The following RBM6 variants were observed in gnomAD, a reference collection of about 807,000 sequenced individuals.
RBM6 encodes the protein RNA binding motif protein 6.
A neutral mutation model predicts 140.4 loss-of-function variants in RBM6; 23 were observed. The observed-to-expected ratio is 0.16, with a 90% CI of 0.12 to 0.23. The LOEUF is 0.23. RBM6 is among the 10% of genes least tolerant of loss of function. The pLI is 1.00. For synonymous variants in RBM6, 439 were observed against 475.6 expected, an observed-to-expected ratio of 0.92 and a Z score of 1.00; for missense variants, 1,139 against 1,386.7, an observed-to-expected ratio of 0.82 and a Z score of 2.84.
At chr3:50,052,662 A>T (rs2089518884) in intron 7 of RBM6, among the ~76,000 whole-genome samples, 1 of 152,212 alleles carries the variant, frequency 6.6e-6, no homozygotes, top group Non-Finnish European at 1.5e-5. Context: ...CCAGTAGCTT[A>T]AAACAGCAAG....
chr3:49,976,816 G>T (rs765459037), intron 5 of RBM6, among the ~76,000 whole-genome samples: 4 of 152,162 alleles, frequency 2.6e-5, no homozygotes, highest in Non-Finnish European at 5.9e-5. Context: ...TAAATTTGCC[G>T]ATTGTGGTAG....
chr3:50,001,231 G>A (rs11925192), intron 6 of RBM6, among the ~76,000 whole-genome samples: 66,453 of 151,980 alleles, frequency 0.44, 15,162 homozygotes, highest in Non-Finnish European at 0.51. Context: ...TGGGAGGCCC[G>A]GGTGGGAGGA....
intron 8 of RBM6, among the ~76,000 whole-genome samples, chr3:50,055,735 A>G (rs980375242): frequency 2.6e-5 from 4 of 152,234 alleles, no homozygotes; most frequent in African/African-American, 9.6e-5. Context: ...AGGATTTTCA[A>G]GAGAAAAACA....
intron 10 of RBM6, chr3:50,058,821 C>G (rs1452849625): frequency 8.2e-6 from 2 of 243,520 alleles, no homozygotes; most frequent in Non-Finnish European, 8.2e-6. Context: ...GAGGCTGAGG[C>G]AGGAGAATGG....
intron 8 of RBM6, among the ~76,000 whole-genome samples, chr3:50,054,969 G>T (rs1220298629): frequency 6.6e-6 from 1 of 152,042 alleles, no homozygotes; most frequent in Non-Finnish European, 1.5e-5. Flanking sequence ...GACTATAGGC[G>T]CCCACCACCA....
chr3:50,049,215 TCTC>T (rs1184165425), intron 7 of RBM6, among the ~76,000 whole-genome samples: 1 of 151,796 alleles, frequency 6.6e-6, no homozygotes, highest in East Asian at 1.9e-4. Flanking sequence ...TTCAAACGAT[TCTC>T]CTGCCCCAGC....
chr3:49,972,954 C>A (rs1363614795), intron 4 of RBM6, among the ~76,000 whole-genome samples: 5 of 152,088 alleles, frequency 3.3e-5, no homozygotes, highest in African/African-American at 1.2e-4. Context: ...CCGCAGCCTC[C>A]CGAGTAGCTG....
intron 4 of RBM6, among the ~76,000 whole-genome samples, chr3:49,974,056 C>A (rs1312253535): frequency 6.6e-6 from 1 of 151,906 alleles, no homozygotes; most frequent in Non-Finnish European, 1.5e-5. Context: ...TGCCACCACG[C>A]CCGGCTAAGT....
chr3:50,036,100 T>G (rs1055567603), intron 6 of RBM6, among the ~76,000 whole-genome samples: 2 of 152,054 alleles, frequency 1.3e-5, no homozygotes, highest in Non-Finnish European at 1.5e-5. Context: ...TTCACTATAT[T>G]GGCCAGGCTG....
In RBM6 at chr3:49,955,865, T is replaced by G. The variant is rs1213220307; in HGVS notation, c.-66-6711T>G. Reference sequence around the variant, plus strand: ...CTGTGTCTCTCTCTCTCTCTCTGTGTGTGTGTGTGTGTGTGTGTGTATATG... The same window carrying G: ...CTGTGTCTCTCTCTCTCTCTCTGTGGGTGTGTGTGTGTGTGTGTGTATATG... On this transcript the variant is annotated intron_variant, in intron 1 of 20. Transcript: ENST00000266022. Among the ~76,000 whole-genome samples, 4 of 151,062 alleles carry G rather than the reference T, an allele frequency of 2.6e-5. No homozygotes were observed. In the East Asian group the frequency reaches 7.7e-4, roughly 29 times the overall value.
At chr3:50,031,635 C>T (rs530068728) in intron 6 of RBM6, among the ~76,000 whole-genome samples, 5 of 151,806 alleles carry the variant, frequency 3.3e-5, no homozygotes, top group East Asian at 1.9e-4. Context: ...ATGTAAATGA[C>T]GAGTTAATGG....
chr3:49,969,001 G>A (rs2084650763), intron 3 of RBM6, among the ~76,000 whole-genome samples: 1 of 145,792 alleles, frequency 6.9e-6, no homozygotes. Context: ...TAAGACTTTT[G>A]TGAAGGATGA....
Position 49,975,334 on chromosome 3 carries a change from T to G in RBM6, c.1425T>G (p.Ala475=). 6.2e-7 allele frequency: 1 copy of G among 1,613,192 alleles called. No homozygotes were observed. Among genetic ancestry groups the G allele is most frequent in the Non-Finnish European group, 8.5e-7 (1 of 1,179,110 alleles). ...EDATKEEILN[A]FRTPDGMPVK... is the part of the protein sequence containing the mutation. ...CCATATTTTTGCAGATTCTTAATGC[T>G]TTTCGGACTCCTGATGGCATGCCTG... The change falls in exon 5 of 21, where the codon GCT becomes GCG. Residue 475 remains alanine, a synonymous_variant. Transcript: ENST00000266022.
chr3:49,957,184 A>G (rs78394565), intron 1 of RBM6, among the ~76,000 whole-genome samples: 2,932 of 152,016 alleles, frequency 0.019, 219 homozygotes, highest in Admixed American at 0.13. Flanking sequence ...GGGTCTTGCT[A>G]TATTGCCTAG....
rs569224640 is a variant in RBM6, at chr3:49,968,770, CTTTTTTTT to C, written c.1323+43_1323+50del. ...TCAGGTATGTTGATGGGGTGGATTG[CTTTTTTTT>C]TTTTTTTTTTTTTTTTTTTTGAGAC... On this transcript the variant is annotated intron_variant, in intron 3 of 20. Coordinates refer to ENST00000266022, the MANE Select transcript of RBM6 (RefSeq NM_005777.3). The C allele has an allele frequency of 3.9e-4, 272 of 699,754 alleles. 4 individuals are homozygous for C. The highest frequency in any genetic ancestry group is 5.8e-4 in the African/African-American group (20 of 34,620). The allele number at this position is 699,754 out of a possible 1,614,324, so 43.3% of individuals were successfully genotyped here.
chr3:50,068,227 C>T (rs1328922935), intron 17 of RBM6, among the ~76,000 whole-genome samples: 1 of 152,132 alleles, frequency 6.6e-6, no homozygotes, highest in African/African-American at 2.4e-5. Context: ...AAGTTTCATA[C>T]ATATGTCTGA....
At chr3:50,008,163 T>A (rs900750840) in intron 6 of RBM6, among the ~76,000 whole-genome samples, 1 of 152,202 alleles carries the variant, frequency 6.6e-6, no homozygotes, top group Non-Finnish European at 1.5e-5. Context: ...TCTTTAATTA[T>A]GAGAGGTGCT....
At chr3:50,039,777 C>T (rs2088771511) in intron 6 of RBM6, among the ~76,000 whole-genome samples, 1 of 152,182 alleles carries the variant, frequency 6.6e-6, no homozygotes, top group Non-Finnish European at 1.5e-5. Flanking sequence ...GTTGAATGCC[C>T]TGTCTGCCTC....
intron 6 of RBM6, among the ~76,000 whole-genome samples, chr3:50,037,723 C>G (rs149558622): frequency 6.6e-6 from 1 of 151,734 alleles, no homozygotes; most frequent in Non-Finnish European, 1.5e-5. Flanking sequence ...GGTCTGGTCT[C>G]GAGCTCCTGG....
Sources: allele counts gnomAD v4.1 joint callset (sites outside exome capture counted in the v4.1 genomes callset), GRCh38; gene constraint gnomAD v4.1.1; transcripts MANE v1.5; gene names NCBI Gene and HGNC (gene_info 2026-07-23, HGNC 2026-07-21).